Variants in XXYLT1 observed in about 807,000 individuals in gnomAD.
XXYLT1 encodes the protein UDP-xylose:alpha-xyloside alpha-1,3-xylosyltransferase.
XXYLT1 carries 20 observed loss-of-function variants against 28.9 expected under a neutral mutation model. That is an observed-to-expected ratio of 0.69 (90% confidence interval 0.49 to 1.00). XXYLT1 has a LOEUF of 1.00. XXYLT1 is among the 50% of genes least tolerant of loss of function. XXYLT1 has a pLI of 0.00. For synonymous variants in XXYLT1, 257 were observed against 253.8 expected (o/e 1.01, Z -0.12); for missense variants, 542 against 560.1 (o/e 0.97, Z 0.33).
At chr3:195,103,920 C>A (rs1384612381) in intron 3 of XXYLT1, among the ~76,000 whole-genome samples, 1 of 152,220 alleles carries the variant, frequency 6.6e-6, no homozygotes, top group Non-Finnish European at 1.5e-5. Context: ...TCCTGCCTAA[C>A]CCTGTGGCCT....
chr3:195,176,469 G>A lies in XXYLT1; in HGVS notation c.653-19888C>T, dbSNP rs1721669979. 6.6e-6 allele frequency among the ~76,000 whole-genome samples: 1 copy of A among 152,204 alleles called. No individual in the cohort carries two copies. Among genetic ancestry groups the A allele is most frequent in the Non-Finnish European group, 1.5e-5 (1 of 68,036 alleles). On this transcript the variant is annotated intron_variant, in intron 2 of 3. Coordinates refer to ENST00000310380, the MANE Select transcript of XXYLT1 (RefSeq NM_152531.5). The surrounding 1 kb of genome is among the most constrained non-coding windows in gnomAD (Gnocchi z 4.9). ...GAAAAGAACTGGTATGAAATGAGAT[G>A]AGAAGCAGATCTTGAATATTCTGTC...
chr3:195,129,125 G>C lies in XXYLT1; in HGVS notation c.785+27324C>G, dbSNP rs2108626345. The stretch of plus-strand genomic sequence containing the variant: ...CCCTGGAAAAAATATTGTGTGGGGG[G>C]AAGGTCGCGGCTAACATAGAGAGGG... On this transcript the variant is annotated intron_variant, in intron 3 of 3. Coordinates refer to ENST00000310380, the MANE Select transcript of XXYLT1 (RefSeq NM_152531.5). This position sits in a 1 kb window ranked among gnomAD's most constrained non-coding sequence, Gnocchi z 4.4. Among the ~76,000 whole-genome samples, 1 of 152,272 alleles carries C rather than the reference G, an allele frequency of 6.6e-6. No individual in the cohort carries two copies. Among genetic ancestry groups the C allele is most frequent in the Middle Eastern group, 3.4e-3 (1 of 294 alleles).
rs143210370 is a variant in XXYLT1, at chr3:195,184,663, G to A, written c.653-28082C>T. 4.4e-5 allele frequency: 43 copies of A among 985,238 alleles called. No homozygotes were observed. In the East Asian group the frequency reaches 6.8e-4, roughly 16 times the overall value. 61.0% of individuals were successfully genotyped at this position (985,238 alleles called of 1,614,324 possible). A position where few individuals can be genotyped will look rare whatever the true frequency, so the allele number is the denominator to read the frequency against. ...AAACAAGGTCTCTTCAGGACTCACC[G>A]GAGAACCAACAGAATTCCTTCCCCA... On this transcript the variant is annotated intron_variant, in intron 2 of 3. Transcript: ENST00000310380.
chr3:195,201,406 C>CTGT (rs1722844670), intron 2 of XXYLT1, among the ~76,000 whole-genome samples: 1 of 152,212 alleles, frequency 6.6e-6, no homozygotes, highest in Non-Finnish European at 1.5e-5. Context: ...TCTGGGGGTC[C>CTGT]ATCTCAACCT....
intron 2 of XXYLT1, among the ~76,000 whole-genome samples, chr3:195,165,262 C>T (rs975671350): frequency 6.6e-6 from 1 of 152,182 alleles, no homozygotes; most frequent in African/African-American, 2.4e-5. Flanking sequence ...CCATCCTCTA[C>T]AGGGTCGCAG....
At chr3:195,103,957 G>A (rs1443920903) in intron 3 of XXYLT1, among the ~76,000 whole-genome samples, 1 of 152,200 alleles carries the variant, frequency 6.6e-6, no homozygotes, top group Non-Finnish European at 1.5e-5. Flanking sequence ...AAGGTTTGAC[G>A]CACTAGAAGT....
Position 195,257,239 on chromosome 3 carries a change from G to A in XXYLT1, c.504+13316C>T, listed in dbSNP as rs868853921. Among the ~76,000 whole-genome samples, 3 of 152,242 alleles carry A rather than the reference G, an allele frequency of 2.0e-5. 1 individual carries two copies. The highest frequency in any genetic ancestry group is 4.2e-4 in the South Asian group (2 of 4,816). Reference sequence around the variant, plus strand: ...CTGCACTCACACCCCACTGCCCACCGTGTTGGCATCCAGCTCCTCCAGTGT... The same window carrying A: ...CTGCACTCACACCCCACTGCCCACCATGTTGGCATCCAGCTCCTCCAGTGT... On this transcript the variant is annotated intron_variant, in intron 1 of 3. Transcript: ENST00000310380. The surrounding 1 kb of genome is among the most constrained non-coding windows in gnomAD (Gnocchi z 4.3).
intron 2 of XXYLT1, among the ~76,000 whole-genome samples, chr3:195,212,431 T>C (rs1303210086): frequency 6.6e-6 from 1 of 152,110 alleles, no homozygotes; most frequent in East Asian, 1.9e-4. Flanking sequence ...ACAGGCTGGG[T>C]TCCAGTTTCC....
At position 195,264,957 on chromosome 3, in the gene XXYLT1, T is replaced by A. The variant is rs556496762; in HGVS notation, c.504+5598A>T. Among the ~76,000 whole-genome samples, 6 of 151,882 alleles carry A rather than the reference T, an allele frequency of 4.0e-5. No homozygotes were observed. The South Asian group carries it at 6.2e-4, about 16-fold the overall frequency. On this transcript the variant is annotated intron_variant, in intron 1 of 3. Coordinates refer to ENST00000310380, the MANE Select transcript of XXYLT1 (RefSeq NM_152531.5). ...CTGTAGTTCTAGCTACTGAGGAGGC[T>A]AAGGCAGGAGGATCCCCTAAGCCCA...
At chr3:195,114,157 T>G (rs1205170129) in intron 3 of XXYLT1, among the ~76,000 whole-genome samples, 2 of 152,202 alleles carry the variant, frequency 1.3e-5, no homozygotes, top group East Asian at 3.9e-4. Context: ...TTTTGCCCAC[T>G]TATGGTGGCA....
intron 3 of XXYLT1, among the ~76,000 whole-genome samples, chr3:195,081,247 TA>T (rs1422490964): frequency 1.3e-5 from 2 of 152,226 alleles, no homozygotes; most frequent in African/African-American, 2.4e-5. Context: ...TTATGATTTT[TA>T]TAAAGAGATG....
chr3:195,080,556 A>G (rs1715376176), intron 3 of XXYLT1, among the ~76,000 whole-genome samples: 1 of 124,426 alleles, frequency 8.0e-6, no homozygotes. Flanking sequence ...GGTGGGGGGG[A>G]TGGGGGAGGG....
rs543053018 is a variant in XXYLT1, at chr3:195,112,757, G to A, written c.786-42646C>T. ...GTGGTAGGAACAGCTGAAGCAGTGC[G>A]CGCATGCACACACACACACCCATGC... is the stretch of plus-strand genomic sequence containing the variant. On this transcript the variant is annotated intron_variant, in intron 3 of 3. Transcript: ENST00000310380. Among the ~76,000 whole-genome samples the A allele has an allele frequency of 5.5e-4, 46 of 84,342 alleles. 1 individual carries two copies. The East Asian group carries it at 7.3e-3, about 13-fold the overall frequency. The allele number at this position is 84,342 out of a possible 152,430, so 55.3% of individuals were successfully genotyped here.
chr3:195,261,361 G>C (rs569510350), intron 1 of XXYLT1, among the ~76,000 whole-genome samples: 8 of 152,190 alleles, frequency 5.3e-5, no homozygotes, highest in Non-Finnish European at 1.2e-4. Context: ...TTGAACCCGG[G>C]ACATGGGACA....
rs955576815 is a variant in XXYLT1, at chr3:195,076,623, C to T, written c.786-6512G>A. ...CAGCAGCAGAAAGGTGCTGCCTCTC[C>T]GTTCGGCGGGCTGGAAGTCCAAGAT... On this transcript the variant is annotated intron_variant, in intron 3 of 3. Coordinates refer to ENST00000310380, the MANE Select transcript of XXYLT1 (RefSeq NM_152531.5). This position sits in a 1 kb window ranked among gnomAD's most constrained non-coding sequence, Gnocchi z 5.3. Among the ~76,000 whole-genome samples, 7 of 152,162 alleles carry T rather than the reference C, an allele frequency of 4.6e-5. No homozygotes were observed. The South Asian group carries it at 6.2e-4, about 14-fold the overall frequency.
At chr3:195,181,729 G>A (rs1375442241) in intron 2 of XXYLT1, among the ~76,000 whole-genome samples, 2 of 152,168 alleles carry the variant, frequency 1.3e-5, no homozygotes, top group Non-Finnish European at 2.9e-5. Context: ...ATCTGGCAGT[G>A]CTGGGTTTTG....
intron 3 of XXYLT1, among the ~76,000 whole-genome samples, chr3:195,110,270 TG>T (rs1717493435): frequency 3.2e-5 from 1 of 30,890 alleles, no homozygotes; most frequent in African/African-American, 1.2e-4. Flanking sequence ...TGTGGGTGTG[TG>T]GTGTGTGTGG....
intron 1 of XXYLT1, chr3:195,270,306 C>G (rs1725976035): frequency 1.1e-6 from 1 of 906,028 alleles, no homozygotes; most frequent in Non-Finnish European, 1.5e-6. Context: ...CTGCGCTTAA[C>G]TGGGGGAGAG....
intron 3 of XXYLT1, among the ~76,000 whole-genome samples, chr3:195,112,506 A>ACACACC (rs1360780422): frequency 5.1e-3 from 158 of 31,140 alleles, no homozygotes; most frequent in African/African-American, 8.1e-3. Context: ...GCACACACCC[A>ACACACC]CACACACCCA....
Sources: allele counts gnomAD v4.1 joint callset (sites outside exome capture counted in the v4.1 genomes callset), GRCh38; gene constraint gnomAD v4.1.1; non-coding constraint Gnocchi (gnomAD v3.1); transcripts MANE v1.5; gene names NCBI Gene and HGNC (gene_info 2026-07-23, HGNC 2026-07-21).